The following THSD7B variants were observed in gnomAD, a reference collection of about 807,000 sequenced individuals.
THSD7B encodes thrombospondin type-1 domain-containing protein 7B.
THSD7B carries 138 observed loss-of-function variants against 213.6 expected under a neutral mutation model. The observed-to-expected ratio is 0.65, with a 90% CI of 0.56 to 0.74. The LOEUF (loss-of-function observed/expected upper bound fraction) is 0.74, where lower values mean the gene tolerates loss of function less well. Among genes scored for constraint, THSD7B ranks in the 30% least tolerant of loss-of-function variants. The pLI is 0.00. For missense variants in THSD7B, 1,931 were observed against 1,991.5 expected (o/e 0.97, Z 0.58); for synonymous variants, 742 against 687.0 (o/e 1.08, Z -1.25).
At chr2:137,475,285 G>C (rs914927462) in intron 15 of THSD7B, among the ~76,000 whole-genome samples, 79 of 152,264 alleles carry the variant, frequency 5.2e-4, no homozygotes, top group African/African-American at 1.8e-3. Context: ...AATCAAGGCG[G>C]TATTTAGGGT....
Position 136,998,397 on chromosome 2 carries a change from A to T in THSD7B, c.140-58023A>T, listed in dbSNP as rs1438210835. 2.0e-5 allele frequency among the ~76,000 whole-genome samples: 3 copies of T among 152,016 alleles called. No individual in the cohort carries two copies. In the East Asian group the frequency reaches 5.8e-4, roughly 29 times the overall value. ...GCTTTTCTGTCTGTTTTAGTGCAAC[A>T]CGTATAAATTTCAACCCACTACTCA... On this transcript the variant is annotated intron_variant, in intron 2 of 27. Transcript: ENST00000409968.
At chr2:137,237,103 A>T (rs1156985591) in intron 9 of THSD7B, among the ~76,000 whole-genome samples, 2 of 135,178 alleles carry the variant, frequency 1.5e-5, no homozygotes, top group East Asian at 4.7e-4. Context: ...ATAAGAGAGA[A>T]ACTCCGTCTC....
intron 12 of THSD7B, among the ~76,000 whole-genome samples, chr2:137,403,437 A>G (rs904765133): frequency 6.6e-6 from 1 of 152,220 alleles, no homozygotes; most frequent in African/African-American, 2.4e-5. Context: ...TTATATAAAA[A>G]GTTTTTAACA....
At chr2:137,309,079 T>C (rs1683825893) in intron 12 of THSD7B, among the ~76,000 whole-genome samples, 1 of 152,126 alleles carries the variant, frequency 6.6e-6, no homozygotes, top group African/African-American at 2.4e-5. Context: ...CAAACGGGCT[T>C]CTAGAAACAT....
intron 7 of THSD7B, among the ~76,000 whole-genome samples, chr2:137,191,263 G>T (rs912240359): frequency 6.6e-6 from 1 of 152,072 alleles, no homozygotes; most frequent in East Asian, 1.9e-4. Context: ...TTCCCTTCTC[G>T]ACTTTATTCT....
intron 9 of THSD7B, among the ~76,000 whole-genome samples, chr2:137,240,180 G>T (rs984095110): frequency 6.6e-6 from 1 of 152,166 alleles, no homozygotes; most frequent in Admixed American, 6.5e-5. Context: ...CACCTGCTTT[G>T]TTGGAGGAGG....
intron 3 of THSD7B, among the ~76,000 whole-genome samples, chr2:137,091,534 T>C (rs976608887): frequency 6.6e-6 from 1 of 151,806 alleles, no homozygotes; most frequent in African/African-American, 2.4e-5. Flanking sequence ...CATTCATTCA[T>C]TCATTCATTC....
Position 136,881,549 on chromosome 2 carries a change from C to T in THSD7B, c.-35-595C>T, listed in dbSNP as rs74873791. ...CCATCATAATAAACGTTCTAGCAGTCAAAGTCAGTTTTTATCATTTCTGTA... is the reference window on the plus strand; with the variant it reads ...CCATCATAATAAACGTTCTAGCAGTTAAAGTCAGTTTTTATCATTTCTGTA... On this transcript the variant is annotated intron_variant, in intron 1 of 27. Transcript: ENST00000409968. Among the ~76,000 whole-genome samples the T allele has an allele frequency of 3.6e-3, 554 of 152,200 alleles. 5 individuals are homozygous for T. Among genetic ancestry groups the T allele is most frequent in the African/African-American group, 0.013 (526 of 41,518 alleles).
In THSD7B at chr2:137,135,358, C is replaced by T. The variant is rs140960580; in HGVS notation, c.1369+20065C>T. Among the ~76,000 whole-genome samples, 149 of 152,234 alleles carry T rather than the reference C, an allele frequency of 9.8e-4. 2 individuals are homozygous for T. In the East Asian group the frequency reaches 0.027, roughly 28 times the overall value. On this transcript the variant is annotated intron_variant, in intron 5 of 27. Transcript: ENST00000409968. ...TTGTCTGAAGTCACTAATATTTGGT[C>T]GTGGTGCTATTTCCTTCTTTCTAAA... is the stretch of plus-strand genomic sequence containing the variant.
At chr2:136,919,738 G>C (rs1684404206) in intron 2 of THSD7B, among the ~76,000 whole-genome samples, 1 of 152,148 alleles carries the variant, frequency 6.6e-6, no homozygotes, top group Admixed American at 6.5e-5. Context: ...CACACTACTG[G>C]CCTGGATCCC....
intron 1 of THSD7B, among the ~76,000 whole-genome samples, chr2:136,791,552 G>A (rs1486056922): frequency 1.3e-5 from 1 of 76,376 alleles, no homozygotes; most frequent in Non-Finnish European, 2.8e-5. Flanking sequence ...TCCCTCCCCC[G>A]CCCCCCATCC....
intron 1 of THSD7B, among the ~76,000 whole-genome samples, chr2:136,794,319 A>G (rs950496152): frequency 6.6e-5 from 10 of 151,344 alleles, no homozygotes; most frequent in African/African-American, 2.4e-4. Flanking sequence ...TTACCTTTAT[A>G]CTTTTCTAAT....
chr2:136,903,204 A>G (rs1294439484), intron 2 of THSD7B, among the ~76,000 whole-genome samples: 6 of 152,250 alleles, frequency 3.9e-5, no homozygotes, highest in Non-Finnish European at 8.8e-5. Context: ...ATGAAAACAC[A>G]GCACAGTTGC....
chr2:137,599,245 G>A (rs1682029381), intron 17 of THSD7B, among the ~76,000 whole-genome samples: 1 of 151,396 alleles, frequency 6.6e-6, no homozygotes, highest in African/African-American at 2.4e-5. Flanking sequence ...AGTATTCCAT[G>A]GTGTATATGT....
intron 5 of THSD7B, among the ~76,000 whole-genome samples, chr2:137,141,388 G>A (rs1353770476): frequency 1.3e-5 from 2 of 152,008 alleles, no homozygotes; most frequent in Non-Finnish European, 2.9e-5. Flanking sequence ...GCAGAAAGGA[G>A]TCTTATAGTG....
At chr2:136,863,612 C>T (rs1683287339) in intron 1 of THSD7B, among the ~76,000 whole-genome samples, 1 of 152,124 alleles carries the variant, frequency 6.6e-6, no homozygotes, top group South Asian at 2.1e-4. Context: ...CCTCATTTCT[C>T]TGAATAGAAA....
At chr2:137,411,414 A>G (rs1686647984) in intron 13 of THSD7B, among the ~76,000 whole-genome samples, 195 bp from the exon 14 acceptor site, 1 of 152,172 alleles carries the variant, frequency 6.6e-6, no homozygotes, top group South Asian at 2.1e-4. Flanking sequence ...ACTTTTTTCA[A>G]ATTAACTTGA....
intron 2 of THSD7B, among the ~76,000 whole-genome samples, chr2:136,918,109 G>A (rs577596010): frequency 9.2e-5 from 14 of 152,186 alleles, no homozygotes; most frequent in African/African-American, 3.1e-4. Flanking sequence ...TTTGGTGGGG[G>A]CAGGGGAATG....
chr2:137,130,294 C>G (rs1380113030), intron 5 of THSD7B, among the ~76,000 whole-genome samples: 1 of 152,060 alleles, frequency 6.6e-6, no homozygotes, highest in South Asian at 2.1e-4. Context: ...TAGCCCTACC[C>G]CATTTGCTCA....
Sources: allele counts gnomAD v4.1 joint callset (sites outside exome capture counted in the v4.1 genomes callset), GRCh38; gene constraint gnomAD v4.1.1; transcripts MANE v1.5; gene names NCBI Gene and HGNC (gene_info 2026-07-23, HGNC 2026-07-21).